The following HPSE variants were observed in gnomAD, a reference collection of about 807,000 sequenced individuals.
HPSE encodes the protein endo-glucoronidase.
A neutral mutation model predicts 65.1 loss-of-function variants in HPSE; 48 were observed. The ratio of observed to expected loss-of-function variants is 0.74; its 90% CI spans 0.58 to 0.94. The LOEUF is 0.94. Among genes scored for constraint, HPSE ranks in the 40% least tolerant of loss-of-function variants. The pLI is 0.00. For missense variants in HPSE, 644 were observed against 637.5 expected (o/e 1.01, Z -0.11); for synonymous variants, 243 against 260.0 (o/e 0.93, Z 0.63).
chr4:83,322,712 A>C (rs536887010), intron 1 of HPSE, among the ~76,000 whole-genome samples: 1 of 151,630 alleles, frequency 6.6e-6, no homozygotes, highest in South Asian at 2.1e-4. Flanking sequence ...GAAGCATCTC[A>C]ATCTGAATCT....
Position 83,334,818 on chromosome 4 carries a change from C to T in HPSE, c.-36G>A, listed in dbSNP as rs1015125320. The T allele has an allele frequency of 9.5e-6, 14 of 1,481,426 alleles. No individual in the cohort carries two copies. The highest frequency in any genetic ancestry group is 4.8e-5 in the Admixed American group (2 of 41,446). The allele number at this position is 1,481,426 out of a possible 1,614,324, so 91.8% of individuals were successfully genotyped here. Reference sequence around the variant, plus strand: ...CCTGGCTGCTCCCCCCGCCAGCTGCCGCGCAGCGGAGAGTCGAGAGCTCTA... The same window carrying T: ...CCTGGCTGCTCCCCCCGCCAGCTGCTGCGCAGCGGAGAGTCGAGAGCTCTA... On this transcript the variant is annotated 5_prime_UTR_variant, in exon 1 of 12. Coordinates refer to ENST00000311412, the MANE Select transcript of HPSE (RefSeq NM_001098540.3).
In HPSE at chr4:83,300,974, A is replaced by C; in HGVS notation, c.1458T>G (p.His486Gln). The change falls in exon 11 of 12, where the codon CAT (histidine) becomes CAG (glutamine). Residue 486 changes from histidine (H) to glutamine (Q), a missense_variant. Transcript: ENST00000311412. ...DKYLLRPLGP[H>Q]GLLSKSVQLN... ...AAATTACTTACTTGGAAAGTAATCC[A>C]TGAGGTCCCAAAGGTCTTAGAAGGT... 6.3e-7 allele frequency: 1 copy of C among 1,590,122 alleles called. No homozygotes were observed. The highest frequency in any genetic ancestry group is 1.2e-5 in the South Asian group (1 of 86,436).
At chr4:83,306,661 C>T (rs1205302119) in intron 8 of HPSE, among the ~76,000 whole-genome samples, 1 of 152,148 alleles carries the variant, frequency 6.6e-6, no homozygotes, top group Non-Finnish European at 1.5e-5. Flanking sequence ...CTTCTTCATT[C>T]CTGGGTGTAG....
rs138327474 is a variant in HPSE at position 83,334,640 on chromosome 4, G to T, written c.143C>A (p.Pro48Gln). 6.3e-7 allele frequency: 1 copy of T among 1,586,434 alleles called. No individual in the cohort carries two copies. The highest frequency in any genetic ancestry group is 1.2e-5 in the South Asian group (1 of 86,892). Residue 48 changes from proline (P) to glutamine (Q), a missense_variant, in exon 1 of 12, where the codon CCG (proline) becomes CAG (glutamine). Pro to Gln is a moderately conservative substitution (Grantham distance 76, BLOSUM62 -1). Transcript: ENST00000311412. Reference protein sequence around the residue: ...VVDLDFFTQEPLHLVSPSFLS... With the variant: ...VVDLDFFTQEQLHLVSPSFLS... ...GAACGAGGGGCTCACCAGGTGCAGC[G>T]GCTCCTGGGTGAAGAAGTCCAGGTC... is the stretch of plus-strand genomic sequence containing the variant.
intron 3 of HPSE, among the ~76,000 whole-genome samples, chr4:83,316,781 T>C (rs1368714605): frequency 6.6e-6 from 1 of 152,254 alleles, no homozygotes; most frequent in African/African-American, 2.4e-5. Context: ...TCATGACAAA[T>C]GTTTTTGTCA....
chr4:83,297,092 A>G (rs1210268727), intron 11 of HPSE, among the ~76,000 whole-genome samples: 1 of 152,220 alleles, frequency 6.6e-6, no homozygotes, highest in Non-Finnish European at 1.5e-5. Flanking sequence ...ATGTTTAGAT[A>G]CACAACTACT....
chr4:83,304,214 T>C (rs575515134), intron 9 of HPSE, among the ~76,000 whole-genome samples: 3 of 152,234 alleles, frequency 2.0e-5, no homozygotes, highest in African/African-American at 4.8e-5. Context: ...TAAATGAGTA[T>C]GTAATATAGA....
At chr4:83,328,055 C>T (rs1004039896) in intron 1 of HPSE, among the ~76,000 whole-genome samples, 2 of 152,164 alleles carry the variant, frequency 1.3e-5, no homozygotes, top group East Asian at 1.9e-4. Context: ...ACAAGAAAGG[C>T]GACAGACCTA....
chr4:83,311,899 C>T (rs1442370316), intron 4 of HPSE, among the ~76,000 whole-genome samples: 2 of 151,722 alleles, frequency 1.3e-5, no homozygotes, highest in African/African-American at 4.8e-5. Context: ...AAAAAGCACT[C>T]TATGTTTTGA....
At chr4:83,312,971 G>C (rs1031197370) in intron 4 of HPSE, 143 bp downstream of exon 4, 3 of 449,900 alleles carry the variant, frequency 6.7e-6, no homozygotes, top group African/African-American at 6.3e-5. Context: ...CAAGTGAGCC[G>C]AGGTGGCGCC....
In HPSE at chr4:83,326,265, G is replaced by A. The variant is rs1040752093; in HGVS notation, c.228-3901C>T. On this transcript the variant is annotated intron_variant, in intron 1 of 11. Transcript: ENST00000311412. This position sits in a 1 kb window ranked among gnomAD's most constrained non-coding sequence, Gnocchi z 4.2. ...TAAATGAGACAGGTTTCACCTTGTT[G>A]GCCAGGCTGGTCTTGAACTCCTGGC... Among the ~76,000 whole-genome samples, 1 of 152,168 alleles carries A rather than the reference G, an allele frequency of 6.6e-6. No individual in the cohort carries two copies. The highest frequency in any genetic ancestry group is 1.5e-5 in the Non-Finnish European group (1 of 68,018).
chr4:83,331,160 C>T lies in HPSE; in HGVS notation c.227+3396G>A, dbSNP rs556921051. On this transcript the variant is annotated intron_variant, in intron 1 of 11. Transcript: ENST00000311412. The stretch of plus-strand genomic sequence containing the variant: ...CGGAGGTTGCAGTGAGCCGAGGTAA[C>T]GCCATTGTACTCTAGCTTGGGTGAC... 9.9e-5 allele frequency among the ~76,000 whole-genome samples: 15 copies of T among 151,536 alleles called. No individual in the cohort carries two copies. In the South Asian group the frequency reaches 2.3e-3, roughly 23 times the overall value.
At chr4:83,324,176 C>T (rs754509544) in intron 1 of HPSE, among the ~76,000 whole-genome samples, 2 of 120,418 alleles carry the variant, frequency 1.7e-5, no homozygotes, top group African/African-American at 6.6e-5. Context: ...GGCTGGAGTA[C>T]GATGGCGTGA....
Position 83,319,426 on chromosome 4 carries a change from C to A in HPSE, c.417G>T (p.Lys139Asn). 6.2e-7 allele frequency: 1 copy of A among 1,613,944 alleles called. No homozygotes were observed. Among genetic ancestry groups the A allele is most frequent in the East Asian group, 2.2e-5 (1 of 44,882 alleles). Reference sequence around the variant, plus strand: ...CCTGGTAGGGCCATTCCAACCGTAACTTCTCCTCCACATCAGGAGGGATGG... The same window carrying A: ...CCTGGTAGGGCCATTCCAACCGTAAATTCTCCTCCACATCAGGAGGGATGG... ...YGSIPPDVEE[K>N]LRLEWPYQEQ... is the part of the protein sequence containing the mutation. Residue 139 changes from lysine to asparagine, a missense_variant, in exon 3 of 12, where the codon AAG (lysine) becomes AAT (asparagine). By Grantham distance (94) the Lys-to-Asn change is moderately conservative. Coordinates refer to ENST00000311412, the MANE Select transcript of HPSE (RefSeq NM_001098540.3).
At chr4:83,297,615 A>C (rs1283031692) in intron 11 of HPSE, among the ~76,000 whole-genome samples, 1 of 152,168 alleles carries the variant, frequency 6.6e-6, no homozygotes, top group Non-Finnish European at 1.5e-5. Context: ...TGAGCAGAAA[A>C]ACTGGTTTAC....
chr4:83,295,178 T>C lies in HPSE; in HGVS notation c.*166A>G. 1 of 469,256 alleles carries C rather than the reference T, an allele frequency of 2.1e-6. No individual in the cohort carries two copies. The highest frequency in any genetic ancestry group is 4.6e-5 in the South Asian group (1 of 21,748). 29.1% of individuals were successfully genotyped at this position (469,256 alleles called of 1,614,324 possible). The stretch of plus-strand genomic sequence containing the variant: ...CTATTATTATTAGCAGTGTTCTACC[T>C]AGCGAGATCAAAATACTGTGCTAAA... On this transcript the variant is annotated 3_prime_UTR_variant, in exon 12 of 12. Transcript: ENST00000311412.
chr4:83,319,513 A>G lies in HPSE; in HGVS notation c.374-44T>C, dbSNP rs1283492444. 6 of 1,586,976 alleles carry G rather than the reference A, an allele frequency of 3.8e-6. No homozygotes were observed. In the Admixed American group the frequency reaches 5.1e-5, roughly 14 times the overall value. On this transcript the variant is annotated intron_variant, in intron 2 of 11. Transcript: ENST00000311412. Reference sequence around the variant, plus strand: ...ATTTAGAAGGTCTGTTTTCACAGTGAGCAGACTGAAATCGCATATATTTAT... The same window carrying G: ...ATTTAGAAGGTCTGTTTTCACAGTGGGCAGACTGAAATCGCATATATTTAT...
At chr4:83,297,557 T>G (rs112776195) in intron 11 of HPSE, among the ~76,000 whole-genome samples, 1 of 152,220 alleles carries the variant, frequency 6.6e-6, no homozygotes, top group Non-Finnish European at 1.5e-5. Flanking sequence ...ATTATATATT[T>G]GTTTTCCTTA....
Position 83,295,051 on chromosome 4 carries a change from T to A in HPSE, c.*293A>T. 1 of 159,148 alleles carries A rather than the reference T, an allele frequency of 6.3e-6. No homozygotes were observed. The allele number at this position is 159,148 out of a possible 1,614,324, so 9.9% of individuals were successfully genotyped here. ...GCCTGGGTGACAGAGAGAGATTCTG[T>A]CTCAAAATAAATAAATAAATAAATA... On this transcript the variant is annotated 3_prime_UTR_variant, in exon 12 of 12. Coordinates refer to ENST00000311412, the MANE Select transcript of HPSE (RefSeq NM_001098540.3).
Sources: allele counts gnomAD v4.1 joint callset (sites outside exome capture counted in the v4.1 genomes callset), GRCh38; gene constraint gnomAD v4.1.1; non-coding constraint Gnocchi (gnomAD v3.1); transcripts MANE v1.5; gene names NCBI Gene and HGNC (gene_info 2026-07-23, HGNC 2026-07-21).